PDE3B: variants seen among roughly 807,000 people sequenced by gnomAD.
The protein encoded by PDE3B is cGMP-inhibited 3',5'-cyclic phosphodiesterase 3B.
PDE3B carries 66 observed loss-of-function variants against 116.8 expected under a neutral mutation model. That is an observed-to-expected ratio of 0.56 (90% confidence interval 0.46 to 0.69). PDE3B has a LOEUF of 0.69. Among genes scored for constraint, PDE3B ranks in the 30% least tolerant of loss-of-function variants. The pLI, the probability that PDE3B is intolerant of heterozygous loss-of-function variation, is 0.00. For missense variants in PDE3B, 1,384 were observed against 1,368.1 expected (o/e 1.01, Z -0.18); for synonymous variants, 595 against 533.6 (o/e 1.12, Z -1.59).
chr11:14,816,277 C>G (rs1257286463), intron 5 of PDE3B, among the ~76,000 whole-genome samples: 1 of 152,202 alleles, frequency 6.6e-6, no homozygotes, highest in African/African-American at 2.4e-5. Flanking sequence ...AACATCTATA[C>G]TAGTGTTTGA....
chr11:14,803,831 G>C (rs954476659), intron 4 of PDE3B, 113 bp from the exon 5 acceptor site: 1 of 656,552 alleles, frequency 1.5e-6, no homozygotes. Flanking sequence ...CACTAGAGGC[G>C]CAAACTCTGA....
chr11:14,670,828 C>T (rs1305830569), intron 1 of PDE3B, among the ~76,000 whole-genome samples: 2 of 151,914 alleles, frequency 1.3e-5, no homozygotes, highest in African/African-American at 4.8e-5. Context: ...AACTACCTTC[C>T]AACAATCCAG....
At chr11:14,877,488 G>T in the PDE3B span, 1 of 152,022 alleles carries the variant, frequency 6.6e-6, no homozygotes, top group Non-Finnish European at 1.5e-5. Flanking sequence ...CTACTTAACT[G>T]CTATGAAGAT....
intron 1 of PDE3B, among the ~76,000 whole-genome samples, chr11:14,666,502 C>A (rs1439962331): frequency 6.7e-5 from 10 of 149,518 alleles, no homozygotes; most frequent in Non-Finnish European, 1.0e-4. Flanking sequence ...AGGCAACCTA[C>A]AAAATGGGAG....
chr11:14,771,790 C>G (rs151197370), intron 1 of PDE3B, 147 bp from the exon 2 acceptor site: 1 of 382,128 alleles, frequency 2.6e-6, no homozygotes, highest in Non-Finnish European at 4.8e-6. Flanking sequence ...AATATTCTGT[C>G]GAGATAATTT....
chr11:14,645,548 A>G (rs998726303), intron 1 of PDE3B, among the ~76,000 whole-genome samples: 2 of 152,152 alleles, frequency 1.3e-5, no homozygotes, highest in Admixed American at 1.3e-4. Flanking sequence ...CGAGAGGAAA[A>G]ATCTGAGATT....
chr11:14,783,502 C>T (rs12576508), intron 2 of PDE3B, among the ~76,000 whole-genome samples: 18,114 of 151,972 alleles, frequency 0.12, 1,372 homozygotes, highest in African/African-American at 0.22. Flanking sequence ...AGCAAGCTAT[C>T]GCAAGGACAG....
chr11:14,644,377 G>C lies in PDE3B; in HGVS notation c.302G>C (p.Trp101Ser). Residue 101 changes from tryptophan to serine, a missense_variant, in exon 1 of 16, where the codon TGG becomes TCG. Trp to Ser is a radical substitution (Grantham distance 177, BLOSUM62 -3). Around this residue, in one of 2 missense-constraint regions of PDE3B, gnomAD observed 956 missense variants for 806.8 expected, o/e 1.18. Coordinates refer to ENST00000282096, the MANE Select transcript of PDE3B (RefSeq NM_000922.4). Reference sequence around the variant, plus strand: ...CTGCTGGGCGCGGAACCCGAGAGCTGGGCTGCCGGGGCCGCCTGGCTGCGG... The same window carrying C: ...CTGCTGGGCGCGGAACCCGAGAGCTCGGCTGCCGGGGCCGCCTGGCTGCGG... ...ALLLGAEPES[W>S]AAGAAWLRTL... is the part of the protein sequence containing the mutation. The C allele has an allele frequency of 1.2e-6, 2 of 1,600,048 alleles. No homozygotes were observed. Among genetic ancestry groups the C allele is most frequent in the Non-Finnish European group, 1.7e-6 (2 of 1,174,762 alleles).
intron 2 of PDE3B, chr11:14,775,199 C>T (rs1182111217): frequency 6.6e-6 from 1 of 152,114 alleles, no homozygotes; most frequent in Admixed American, 6.6e-5. Flanking sequence ...CCAGTGTTCT[C>T]AAAAATTTGG....
chr11:14,769,315 A>C (rs564700831), intron 1 of PDE3B, among the ~76,000 whole-genome samples: 2 of 151,520 alleles, frequency 1.3e-5, no homozygotes, highest in African/African-American at 4.8e-5. Flanking sequence ...TGTAATACAA[A>C]ATGCTACAGT....
At chr11:14,698,361 A>G (rs1855271107) in intron 1 of PDE3B, among the ~76,000 whole-genome samples, 1 of 151,818 alleles carries the variant, frequency 6.6e-6, no homozygotes, top group Non-Finnish European at 1.5e-5. Context: ...AAAAATTTTA[A>G]TTTCTTTTTA....
the PDE3B span, among the ~76,000 whole-genome samples, chr11:14,884,282 A>T: frequency 6.6e-6 from 1 of 151,986 alleles, no homozygotes; most frequent in Non-Finnish European, 1.5e-5. Context: ...GAACCAACCC[A>T]AAGGTCCAAA....
chr11:14,644,293 C>G lies in PDE3B; in HGVS notation c.218C>G (p.Ser73Cys). 1 of 1,563,600 alleles carries G rather than the reference C, an allele frequency of 6.4e-7. No homozygotes were observed. The highest frequency in any genetic ancestry group is 8.6e-7 in the Non-Finnish European group (1 of 1,161,468). ...PASPQQPRRCSPFCRARLSLG... is the reference protein window; with the variant it reads ...PASPQQPRRCCPFCRARLSLG... ...TCTCCCCAGCAGCCGCGGCGCTGCT[C>G]CCCCTTCTGCCGGGCGCGCCTCTCG... The change falls in exon 1 of 16, where the codon TCC (serine) becomes TGC (cysteine). Residue 73 changes from serine (S) to cysteine (C), a missense_variant. Physicochemically the swap from Ser to Cys is moderately radical, Grantham distance 112. Transcript: ENST00000282096.
chr11:14,669,321 C>T (rs1430453301), intron 1 of PDE3B, among the ~76,000 whole-genome samples: 3 of 151,990 alleles, frequency 2.0e-5, no homozygotes, highest in African/African-American at 7.3e-5. Flanking sequence ...GTCTTCTGCT[C>T]TTGTATTCCA....
At chr11:14,781,607 G>A (rs1295468625) in intron 2 of PDE3B, among the ~76,000 whole-genome samples, 2 of 152,070 alleles carry the variant, frequency 1.3e-5, no homozygotes, top group African/African-American at 4.8e-5. Context: ...ACAAAATTCA[G>A]CAGCCCTTCA....
chr11:14,789,980 A>G (rs553894510), intron 4 of PDE3B, among the ~76,000 whole-genome samples: 114 of 152,148 alleles, frequency 7.5e-4, no homozygotes, highest in Non-Finnish European at 1.5e-3. Flanking sequence ...TGTTAATATA[A>G]TATTGGAATT....
At chr11:14,653,758 G>A (rs979226861) in intron 1 of PDE3B, among the ~76,000 whole-genome samples, 1 of 152,136 alleles carries the variant, frequency 6.6e-6, no homozygotes, top group African/African-American at 2.4e-5. Context: ...CAGCACTTTG[G>A]GAGGCCGAGG....
downstream of PDE3B, among the ~76,000 whole-genome samples, chr11:14,876,670 C>A (rs558966213): frequency 6.6e-6 from 1 of 152,146 alleles, no homozygotes; most frequent in South Asian, 2.1e-4. Flanking sequence ...AAAATTCCCT[C>A]GCTCTCCCAG....
At chr11:14,743,874 C>T (rs1459253595) in intron 1 of PDE3B, among the ~76,000 whole-genome samples, 1 of 152,198 alleles carries the variant, frequency 6.6e-6, no homozygotes, top group East Asian at 1.9e-4. Context: ...CATCTGCTCG[C>T]CCTCTGTGGG....
Sources: allele counts gnomAD v4.1 joint callset (sites outside exome capture counted in the v4.1 genomes callset), GRCh38; gene constraint gnomAD v4.1.1; regional missense constraint gnomAD v4.1.1; transcripts MANE v1.5; gene names NCBI Gene and HGNC (gene_info 2026-07-23, HGNC 2026-07-21).